The following SPTB variants were observed in gnomAD, a reference collection of about 807,000 sequenced individuals.
The protein encoded by SPTB is spectrin beta, erythrocytic, also known as spectrin beta chain, erythrocytic.
A neutral mutation model predicts 256.2 loss-of-function variants in SPTB; 45 were observed. The observed-to-expected ratio is 0.18, with a 90% confidence interval of 0.14 to 0.23. The LOEUF (loss-of-function observed/expected upper bound fraction) is 0.23. Ranked by LOEUF, SPTB falls within the 10% of genes least tolerant of loss-of-function variation. The pLI, the probability that SPTB is intolerant of heterozygous loss-of-function variation, is 1.00. For missense variants in SPTB, 2,715 were observed against 3,040.4 expected, an observed-to-expected ratio of 0.89 and a Z score of 2.52; for synonymous variants, 1,231 against 1,243.1, an observed-to-expected ratio of 0.99 and a Z score of 0.21.
At chr14:64,770,746 C>T in intron 27 of SPTB, 139 bp downstream of exon 27, 2 of 1,374,328 alleles carry the variant, frequency 1.5e-6, no homozygotes, top group South Asian at 1.2e-5. Flanking sequence ...CCTCAGGCCT[C>T]AAGTGTCCCC....
In SPTB at chr14:64,769,689, C is replaced by A. The variant is rs370190815; in HGVS notation, c.5838G>T (p.Gln1946His). The A allele has an allele frequency of 6.2e-7, 1 of 1,614,204 alleles. No homozygotes were observed. The highest frequency in any genetic ancestry group is 8.5e-7 in the Non-Finnish European group (1 of 1,180,038). ...SSVELLMKYHQGINAEIETRS... is the reference protein window; with the variant it reads ...SSVELLMKYHHGINAEIETRS... Reference sequence around the variant, plus strand: ...GGGTTTCAATCTCTGCATTGATGCCCTGGTGATACTTCATGAGCAGTTCCA... The same window carrying A: ...GGGTTTCAATCTCTGCATTGATGCCATGGTGATACTTCATGAGCAGTTCCA... The change falls in exon 28 of 36, where the codon CAG becomes CAT. Residue 1946 changes from glutamine (Q) to histidine (H), a missense_variant. By Grantham distance (24) the Gln-to-His change is conservative. Around this residue, in one of 4 missense-constraint regions of SPTB, gnomAD observed 2,239 missense variants for 2,384.4 expected, o/e 0.94. Coordinates refer to ENST00000644917, the MANE Select transcript of SPTB (RefSeq NM_001355436.2).
In SPTB at chr14:64,784,155, G is replaced by A. The variant is rs2082520067; in HGVS notation, c.4002+92C>T. ...CTGCCACGTTCTGTACTGTCAGCAA[G>A]CTTTAGGACAGGGTCCACACCCTGG... On this transcript the variant is annotated intron_variant, in intron 19 of 35. Transcript: ENST00000644917. The A allele has an allele frequency of 3.8e-6, 6 of 1,585,662 alleles. No homozygotes were observed. In the African/African-American group the frequency reaches 4.0e-5, roughly 11 times the overall value.
At chr14:64,750,196 G>A (rs1019954403) in intron 33 of SPTB, 42 bp from the exon 34 acceptor site, 16 of 1,597,676 alleles carry the variant, frequency 1.0e-5, no homozygotes, top group East Asian at 6.7e-5. Flanking sequence ...ATCCTGATAT[G>A]GTATCTCTAG....
chr14:64,839,001 C>A (rs900621181), intron 1 of SPTB, among the ~76,000 whole-genome samples: 1 of 151,998 alleles, frequency 6.6e-6, no homozygotes, highest in Non-Finnish European at 1.5e-5. Context: ...GGGGTAGTGG[C>A]GGGTGCCTGT....
At chr14:64,872,889 T>C (rs1882621903) in intron 1 of SPTB, among the ~76,000 whole-genome samples, 1 of 152,174 alleles carries the variant, frequency 6.6e-6, no homozygotes, top group South Asian at 2.1e-4. Context: ...ATGCCTTTGC[T>C]CCTCCTTTGC....
chr14:64,763,807 G>T (rs1239690411), intron 32 of SPTB: 2 of 519,004 alleles, frequency 3.9e-6, no homozygotes, highest in Admixed American at 3.9e-5. Flanking sequence ...ATGTAAAAAG[G>T]CAAGAGGTGA....
At chr14:64,757,197 C>T (rs1483426144) in intron 32 of SPTB, 1 of 152,238 alleles carries the variant, frequency 6.6e-6, no homozygotes, top group Non-Finnish European at 1.5e-5. Context: ...CCCTCTCAGC[C>T]ATGTTTGCCC....
At chr14:64,842,276 T>C (rs2083619039) in intron 1 of SPTB, among the ~76,000 whole-genome samples, 1 of 152,200 alleles carries the variant, frequency 6.6e-6, no homozygotes, top group South Asian at 2.1e-4. Flanking sequence ...TCCTAGTACA[T>C]GGTAGCAGTA....
At position 64,873,695 on chromosome 14, in the gene SPTB, G is replaced by A. The variant is rs936104112; in HGVS notation, c.-52+6097C>T. Among the ~76,000 whole-genome samples the A allele has an allele frequency of 1.3e-5, 2 of 152,256 alleles. No homozygotes were observed. The highest frequency in any genetic ancestry group is 6.5e-5 in the Admixed American group (1 of 15,302). ...CTGCTGAAGAAAAAAAGCAACCGCG[G>A]TCTCAACCAGAAGGCCCAGAATATT... is the stretch of plus-strand genomic sequence containing the variant. On this transcript the variant is annotated intron_variant, in intron 1 of 35. Coordinates refer to ENST00000644917, the MANE Select transcript of SPTB (RefSeq NM_001355436.2). The surrounding 1 kb of genome is among the most constrained non-coding windows in gnomAD (Gnocchi z 4.3).
rs1030511099 is a variant in SPTB at position 64,800,988 on chromosome 14, A to G, written c.764-120T>C. 1.0e-5 allele frequency: 8 copies of G among 786,814 alleles called. No homozygotes were observed. In the Admixed American group the frequency reaches 1.4e-4, roughly 14 times the overall value. 48.7% of individuals were successfully genotyped at this position (786,814 alleles called of 1,614,324 possible). A position where few individuals can be genotyped will look rare whatever the true frequency, so the allele number is the denominator to read the frequency against. The stretch of plus-strand genomic sequence containing the variant: ...AACTACAGGCAGCAAGTGACAACCA[A>G]CAGAGCAAGAATGGAAGAGTGTGAT... On this transcript the variant is annotated intron_variant, in intron 7 of 35. Transcript: ENST00000644917.
At chr14:64,800,659 G>T in intron 8 of SPTB, 97 bp downstream of exon 8, 2 of 1,081,240 alleles carry the variant, frequency 1.8e-6, no homozygotes, top group Non-Finnish European at 2.8e-6. Flanking sequence ...TGGGTGAGCT[G>T]TACTCTTCAC....
rs2082697660 is a variant in SPTB at position 64,792,810 on chromosome 14, T to A, written c.2666+187A>T. ...TTGAGGAACACAAGGCCCCAAAGGGTGAAGTACCCCAGGCCACAGAGCCAG... is the reference window on the plus strand; with the variant it reads ...TTGAGGAACACAAGGCCCCAAAGGGAGAAGTACCCCAGGCCACAGAGCCAG... On this transcript the variant is annotated intron_variant, in intron 14 of 35. Coordinates refer to ENST00000644917, the MANE Select transcript of SPTB (RefSeq NM_001355436.2). This position sits in a 1 kb window ranked among gnomAD's most constrained non-coding sequence, Gnocchi z 4.2. 6.6e-6 allele frequency among the ~76,000 whole-genome samples: 1 copy of A among 152,070 alleles called. No homozygotes were observed. The highest frequency in any genetic ancestry group is 1.5e-5 in the Non-Finnish European group (1 of 68,020).
chr14:64,769,545 G>T, intron 28 of SPTB, 45 bp downstream of exon 28: 1 of 1,610,598 alleles, frequency 6.2e-7, no homozygotes. Context: ...GGCACAGTGG[G>T]GACGGAGACG....
intron 1 of SPTB, among the ~76,000 whole-genome samples, chr14:64,861,489 G>A (rs1372919384): frequency 6.6e-6 from 1 of 152,118 alleles, no homozygotes; most frequent in Non-Finnish European, 1.5e-5. Flanking sequence ...GGGCACACAC[G>A]TGGCTGCACT....
intron 18 of SPTB, among the ~76,000 whole-genome samples, chr14:64,784,939 C>G (rs1368563843): frequency 1.3e-5 from 2 of 152,190 alleles, no homozygotes; most frequent in African/African-American, 2.4e-5. Flanking sequence ...TAAAGACCTT[C>G]CTTGTACAGC....
intron 1 of SPTB, among the ~76,000 whole-genome samples, chr14:64,855,500 A>AT (rs1051331647): frequency 6.6e-6 from 1 of 152,066 alleles, no homozygotes; most frequent in African/African-American, 2.4e-5. Flanking sequence ...ACATGACTTA[A>AT]TTTTTTTATT....
chr14:64,840,236 A>G (rs1369910461), intron 1 of SPTB, among the ~76,000 whole-genome samples: 5 of 152,186 alleles, frequency 3.3e-5, no homozygotes, highest in African/African-American at 1.2e-4. Context: ...AAAGACTGCC[A>G]ATGGTCCATT....
At chr14:64,836,640 T>A (rs765054945) in intron 1 of SPTB, among the ~76,000 whole-genome samples, 23 of 152,220 alleles carry the variant, frequency 1.5e-4, no homozygotes, top group Non-Finnish European at 3.1e-4. Context: ...CAAGCAGTGC[T>A]CCTTCAGACC....
intron 9 of SPTB, 61 bp from the exon 10 acceptor site, chr14:64,797,907 T>C: frequency 8.2e-7 from 1 of 1,222,466 alleles, no homozygotes; most frequent in Non-Finnish European, 1.2e-6. Flanking sequence ...ATTTTTTTGC[T>C]AAAGTCAACA....
Sources: allele counts gnomAD v4.1 joint callset (sites outside exome capture counted in the v4.1 genomes callset), GRCh38; gene constraint gnomAD v4.1.1; regional missense constraint gnomAD v4.1.1; non-coding constraint Gnocchi (gnomAD v3.1); transcripts MANE v1.5; gene names NCBI Gene and HGNC (gene_info 2026-07-23, HGNC 2026-07-21).